Variants in MRPL34 observed in about 807,000 individuals in gnomAD.
MRPL34 encodes the protein mitochondrial ribosomal protein L34.
MRPL34 carries 8 observed loss-of-function variants against 6.7 expected under a neutral mutation model. The ratio of observed to expected loss-of-function variants is 1.20; its 90% CI spans 0.70 to 2.16. The LOEUF (loss-of-function observed/expected upper bound fraction) is 2.16. Among genes scored for constraint, MRPL34 ranks in the 30% most tolerant of loss-of-function variants. MRPL34 has a pLI of 0.00. For synonymous variants in MRPL34, 59 were observed against 55.1 expected (o/e 1.07, Z -0.31); for missense variants, 146 against 125.5 (o/e 1.16, Z -0.78).
chr19:17,299,387 C>G (rs2074107489), upstream of MRPL34, among the ~76,000 whole-genome samples: 1 of 151,792 alleles, frequency 6.6e-6, no homozygotes, highest in Non-Finnish European at 1.5e-5. Context: ...CGGTGAAACC[C>G]CGTCTGTACT....
At chr19:17,301,415 C>A, upstream of MRPL34, 1 of 1,612,114 alleles carries the variant, frequency 6.2e-7, no homozygotes, top group Non-Finnish European at 8.5e-7. Flanking sequence ...TCCCCCTGGG[C>A]TGCATCCGAG....
At chr19:17,293,149 G>T (rs1374913417) in intron 1 of MRPL34, among the ~76,000 whole-genome samples, 1 of 146,982 alleles carries the variant, frequency 6.8e-6, no homozygotes, top group Non-Finnish European at 1.5e-5. Flanking sequence ...AGGCTGGAGT[G>T]CAGTGGCGTA....
upstream of MRPL34, among the ~76,000 whole-genome samples, chr19:17,300,153 C>T (rs2074111091): frequency 6.6e-6 from 1 of 151,690 alleles, no homozygotes; most frequent in Non-Finnish European, 1.5e-5. Context: ...ATCCGCCCGC[C>T]TCAGCCTCCC....
chr19:17,297,170 A>G (rs1568347409), intron 1 of MRPL34, among the ~76,000 whole-genome samples: 2 of 152,204 alleles, frequency 1.3e-5, no homozygotes, highest in Non-Finnish European at 2.9e-5. Flanking sequence ...GACTTCCTGT[A>G]TGCCTTTGGG....
At chr19:17,300,898 C>T (rs1392149270), upstream of MRPL34, 6 of 1,605,858 alleles carry the variant, frequency 3.7e-6, no homozygotes, top group African/African-American at 4.0e-5. Flanking sequence ...CTTGGCATAG[C>T]GCTTGAAGAT....
At chr19:17,297,548 C>T (rs1342884290) in intron 1 of MRPL34, among the ~76,000 whole-genome samples, 2 of 152,178 alleles carry the variant, frequency 1.3e-5, no homozygotes, top group South Asian at 2.1e-4. Flanking sequence ...CCTGCCTCGG[C>T]CTCCAAAAGT....
chr19:17,301,810 T>TGTGTGTGTGTG (rs1555721124), upstream of MRPL34, among the ~76,000 whole-genome samples: 1 of 119,516 alleles, frequency 8.4e-6, no homozygotes, highest in African/African-American at 3.9e-5. Context: ...GTGTGTGTGT[T>TGTGTGTGTGTG]TTTGAGACAG....
intron 1 of MRPL34, among the ~76,000 whole-genome samples, chr19:17,293,827 G>A (rs574505398): frequency 6.6e-6 from 1 of 152,122 alleles, no homozygotes; most frequent in South Asian, 2.1e-4. Context: ...CCAAGTTGCA[G>A]CGATTATTGG....
intron 1 of MRPL34, chr19:17,294,494 C>T (rs1028990706): frequency 3.1e-6 from 5 of 1,613,676 alleles, no homozygotes; most frequent in East Asian, 4.5e-5. Context: ...CCTTGGCGGG[C>T]GAAGCCGGCC....
At position 17,293,198 on chromosome 19, in the gene MRPL34, C is replaced by A. The variant is rs560866899; in HGVS notation, c.214+344C>A. Among the ~76,000 whole-genome samples, 9 of 151,006 alleles carry A rather than the reference C, an allele frequency of 6.0e-5. No homozygotes were observed. The South Asian group carries it at 1.9e-3, about 32-fold the overall frequency. On this transcript the variant is annotated intron_variant, in intron 1 of 2. Transcript: ENST00000595444. ...CCAACCTCTGCCTCCCGGCTTCAAG[C>A]GATTCTCTTGCCTCAGCCTCCCAAG...
chr19:17,295,744 G>A (rs956835629), intron 1 of MRPL34, among the ~76,000 whole-genome samples: 14 of 152,228 alleles, frequency 9.2e-5, no homozygotes, highest in African/African-American at 2.4e-4. Context: ...TTTCGCTGTC[G>A]CCTAGGCTGG....
upstream of MRPL34, among the ~76,000 whole-genome samples, chr19:17,298,614 A>C (rs532839234): frequency 6.6e-6 from 1 of 152,076 alleles, no homozygotes; most frequent in African/African-American, 2.4e-5. Flanking sequence ...CATGATCAAC[A>C]CTAGATTGTG....
In MRPL34 at chr19:17,306,385, G is replaced by A; in HGVS notation, c.*6G>A. On this transcript the variant is annotated 3_prime_UTR_variant, in exon 2 of 2. Coordinates refer to ENST00000252602, the MANE Select transcript of MRPL34 (RefSeq NM_023937.4). ...GCAAGTCGCTGAGCCATTGAGGATC[G>A]CGACGCAGTCGGCGGGACCCTCATG... 6.4e-7 allele frequency: 1 copy of A among 1,571,202 alleles called. No individual in the cohort carries two copies. The highest frequency in any genetic ancestry group is 8.6e-7 in the Non-Finnish European group (1 of 1,160,590).
At chr19:17,303,603 G>C (rs1033897801), upstream of MRPL34, 13 of 152,394 alleles carry the variant, frequency 8.5e-5, no homozygotes, top group African/African-American at 3.1e-4. Flanking sequence ...GGTTGGGGGA[G>C]GGATGGGGCC....
At chr19:17,303,288 C>G (rs939238801), upstream of MRPL34, 1 of 152,268 alleles carries the variant, frequency 6.6e-6, no homozygotes, top group Non-Finnish European at 1.5e-5. Flanking sequence ...GGGTCCCAGG[C>G]GGAGAAGCCA....
upstream of MRPL34, among the ~76,000 whole-genome samples, chr19:17,299,630 G>A (rs1253186937): frequency 6.6e-6 from 1 of 151,706 alleles, no homozygotes; most frequent in Non-Finnish European, 1.5e-5. Flanking sequence ...AGCACTTTGG[G>A]AGGCTGAGGT....
At chr19:17,296,606 A>G (rs10409801) in intron 1 of MRPL34, 128,173 of 152,152 alleles carry the variant, frequency 0.84, 54,753 homozygotes, top group African/African-American at 0.91. Context: ...GCAGGGGTCA[A>G]CAAACTATGT....
chr19:17,300,637 C>G (rs892138702), upstream of MRPL34, among the ~76,000 whole-genome samples: 3 of 152,190 alleles, frequency 2.0e-5, no homozygotes, highest in Admixed American at 6.5e-5. Flanking sequence ...GCCACCACGT[C>G]TGGCTAATTT....
upstream of MRPL34, among the ~76,000 whole-genome samples, chr19:17,298,759 T>G (rs1477137804): frequency 3.8e-5 from 4 of 105,742 alleles, no homozygotes; most frequent in Admixed American, 1.0e-4. Flanking sequence ...TTTTTTTTTT[T>G]GGGCAGAGTC....
Sources: gnomAD v4.1 joint callset for allele counts (sites outside exome capture counted in the v4.1 genomes callset) on GRCh38, gnomAD v4.1.1 for gene constraint, MANE v1.5 for transcripts, NCBI Gene and HGNC (gene_info 2026-07-23, HGNC 2026-07-21) for gene names.